Variants in SIK3 observed in about 807,000 individuals in gnomAD.
SIK3 encodes the protein serine/threonine-protein kinase SIK3.
In SIK3, 28 loss-of-function variants were observed where a neutral mutation model predicts 144.2. That is an observed-to-expected ratio of 0.19 (90% CI 0.14 to 0.27). The LOEUF is 0.27. Ranked by LOEUF, SIK3 falls within the 10% of genes least tolerant of loss-of-function variation. SIK3 has a pLI of 1.00. For synonymous variants in SIK3, 686 were observed against 676.3 expected (o/e 1.01, Z -0.22); for missense variants, 1,319 against 1,776.0 (o/e 0.74, Z 4.62).
chr11:117,049,269 G>T (rs1953114509), intron 1 of SIK3, among the ~76,000 whole-genome samples: 1 of 152,140 alleles, frequency 6.6e-6, no homozygotes, highest in Admixed American at 6.6e-5. Flanking sequence ...TCTAGGGAGG[G>T]ATATAAAGTT....
intron 3 of SIK3, among the ~76,000 whole-genome samples, chr11:116,949,392 G>GT (rs1455518034): frequency 1.3e-5 from 2 of 152,234 alleles, no homozygotes; most frequent in African/African-American, 4.8e-5. Flanking sequence ...AACTCCACTA[G>GT]TTGCTGGCTG....
At chr11:116,883,187 T>A (rs977138803) in intron 6 of SIK3, among the ~76,000 whole-genome samples, 6 of 152,050 alleles carry the variant, frequency 3.9e-5, no homozygotes, top group Admixed American at 3.9e-4. Context: ...TTGATAAGAG[T>A]CTATCCCTGT....
Position 116,844,625 on chromosome 11 carries a change from AT to A in SIK3, c.*1017del, listed in dbSNP as rs1565345319. 1 of 35,420 alleles carries A rather than the reference AT, an allele frequency of 2.8e-5. No individual in the cohort carries two copies. Among genetic ancestry groups the A allele is most frequent in the East Asian group, 3.2e-4 (1 of 3,084 alleles). The allele number at this position is 35,420 out of a possible 1,614,324, so 2.2% of individuals were successfully genotyped here. A position where few individuals can be genotyped will look rare whatever the true frequency, so the allele number is the denominator to read the frequency against. On this transcript the variant is annotated 3_prime_UTR_variant, in exon 25 of 25. Coordinates refer to ENST00000445177, the MANE Select transcript of SIK3 (RefSeq NM_001366686.3). ...TATATATATTATATATATAATATAT[AT>A]ATAATATATTATATTATATATTATA... is the stretch of plus-strand genomic sequence containing the variant.
chr11:117,017,140 C>T (rs943511239), intron 1 of SIK3, among the ~76,000 whole-genome samples: 4 of 152,048 alleles, frequency 2.6e-5, no homozygotes, highest in Non-Finnish European at 5.9e-5. Context: ...GCCTATAGTC[C>T]CAGCTACTTG....
At chr11:116,959,109 T>A (rs1413393739) in intron 1 of SIK3, among the ~76,000 whole-genome samples, 1 of 152,236 alleles carries the variant, frequency 6.6e-6, no homozygotes, top group African/African-American at 2.4e-5. Flanking sequence ...GAGGGCAGAC[T>A]GATTGAGTCC....
intron 1 of SIK3, among the ~76,000 whole-genome samples, chr11:117,021,409 T>C (rs1305392361): frequency 6.6e-6 from 1 of 152,174 alleles, no homozygotes; most frequent in Non-Finnish European, 1.5e-5. Flanking sequence ...AACCCCACTC[T>C]TTCCACAGAA....
At chr11:116,896,876 A>C (rs1945431285) in intron 5 of SIK3, among the ~76,000 whole-genome samples, 1 of 152,006 alleles carries the variant, frequency 6.6e-6, no homozygotes, top group Non-Finnish European at 1.5e-5. Flanking sequence ...AAATACAAAA[A>C]ATTAGCCAAG....
chr11:116,930,566 C>A (rs1252167064), intron 3 of SIK3, among the ~76,000 whole-genome samples: 1 of 152,172 alleles, frequency 6.6e-6, no homozygotes, highest in Non-Finnish European at 1.5e-5. Flanking sequence ...CCAAATGGCT[C>A]CTGAATCCAC....
chr11:117,065,990 CT>C (rs1953993007), intron 1 of SIK3, among the ~76,000 whole-genome samples: 1 of 151,946 alleles, frequency 6.6e-6, no homozygotes, highest in Non-Finnish European at 1.5e-5. Flanking sequence ...TTTATTTTTA[CT>C]CCTATCAATC....
At chr11:117,079,555 A>G (rs1297033811) in intron 1 of SIK3, among the ~76,000 whole-genome samples, 1 of 152,186 alleles carries the variant, frequency 6.6e-6, no homozygotes. Context: ...TAATAATCAC[A>G]AAAATAAATG....
chr11:116,999,089 T>C (rs1052882881), intron 1 of SIK3, among the ~76,000 whole-genome samples: 1 of 152,322 alleles, frequency 6.6e-6, no homozygotes, highest in South Asian at 2.1e-4. Context: ...TAGTTTTTAC[T>C]TCAGAAGATG....
chr11:116,981,216 C>T (rs1244335927), intron 1 of SIK3, among the ~76,000 whole-genome samples: 1 of 152,140 alleles, frequency 6.6e-6, no homozygotes. Flanking sequence ...ATGGCATCAC[C>T]CAGGGCAGCT....
At chr11:117,010,014 C>T (rs1320345721) in intron 1 of SIK3, among the ~76,000 whole-genome samples, 1 of 152,122 alleles carries the variant, frequency 6.6e-6, no homozygotes, top group Non-Finnish European at 1.5e-5. Context: ...ACATCTATTA[C>T]CAGTTCATCC....
intron 1 of SIK3, among the ~76,000 whole-genome samples, chr11:117,061,684 T>C (rs1393695036): frequency 6.6e-6 from 1 of 152,132 alleles, no homozygotes; most frequent in Non-Finnish European, 1.5e-5. Flanking sequence ...CCCTACTGAG[T>C]CTTCATTTTA....
rs1941806908 is a variant in SIK3 at position 116,844,652 on chromosome 11, T to C, written c.*991A>G. On this transcript the variant is annotated 3_prime_UTR_variant, in exon 25 of 25. Coordinates refer to ENST00000445177, the MANE Select transcript of SIK3 (RefSeq NM_001366686.3). ...ATAATATATTATATTATATATTATA[T>C]ATATAATATATATATACACATATAT... 1 of 100,634 alleles carries C rather than the reference T, an allele frequency of 9.9e-6. No individual in the cohort carries two copies. Among genetic ancestry groups the C allele is most frequent in the Non-Finnish European group, 1.7e-5 (1 of 57,396 alleles). 6.2% of individuals were successfully genotyped at this position (100,634 alleles called of 1,614,324 possible). A position where few individuals can be genotyped will look rare whatever the true frequency, so the allele number is the denominator to read the frequency against.
At position 116,855,102 on chromosome 11, in the gene SIK3, A is replaced by AAAAAAAAAAAAAC. The variant is rs1168132311; in HGVS notation, c.3655+2707_3655+2708insGTTTTTTTTTTTT. Among the ~76,000 whole-genome samples, 231 of 144,422 alleles carry AAAAAAAAAAAAAC rather than the reference A, an allele frequency of 1.6e-3. 7 individuals carry two copies. Among genetic ancestry groups the AAAAAAAAAAAAAC allele is most frequent in the East Asian group, 0.012 (53 of 4,362 alleles). 94.7% of individuals were successfully genotyped at this position (144,422 alleles called of 152,430 possible). A position where few individuals can be genotyped will look rare whatever the true frequency, so the allele number is the denominator to read the frequency against. On this transcript the variant is annotated intron_variant, in intron 21 of 24. Coordinates refer to ENST00000445177, the MANE Select transcript of SIK3 (RefSeq NM_001366686.3). ...CTCTGCCAAAAAAAAAAAAAAAAAA[A>AAAAAAAAAAAAAC]AAAAAAACTTGAGTTTTTTTCACAG...
intron 1 of SIK3, among the ~76,000 whole-genome samples, chr11:116,959,630 G>GTCATATATA (rs1949270217): frequency 6.6e-6 from 1 of 152,038 alleles, no homozygotes; most frequent in Non-Finnish European, 1.5e-5. Flanking sequence ...TCATATAGTG[G>GTCATATATA]GGCCTCCCTG....
Position 116,846,987 on chromosome 11 carries a change from A to T in SIK3, c.3953-434T>A, listed in dbSNP as rs921475284. Reference sequence around the variant, plus strand: ...CCAGCCAGCCCTCAGGGCACAATGTAGGATAAAGGCTCTATCGTTTTTGCC... The same window carrying T: ...CCAGCCAGCCCTCAGGGCACAATGTTGGATAAAGGCTCTATCGTTTTTGCC... On this transcript the variant is annotated intron_variant, in intron 23 of 24. Coordinates refer to ENST00000445177, the MANE Select transcript of SIK3 (RefSeq NM_001366686.3). This position sits in a 1 kb window ranked among gnomAD's most constrained non-coding sequence, Gnocchi z 4.1. 6.6e-6 allele frequency among the ~76,000 whole-genome samples: 1 copy of T among 152,180 alleles called. No homozygotes were observed. Among genetic ancestry groups the T allele is most frequent in the Non-Finnish European group, 1.5e-5 (1 of 68,040 alleles).
At chr11:116,988,352 C>T (rs1015770021) in intron 1 of SIK3, among the ~76,000 whole-genome samples, 10 of 151,592 alleles carry the variant, frequency 6.6e-5, no homozygotes, top group African/African-American at 2.4e-4. Context: ...CGCCACTGCA[C>T]TCCAGCCCGG....
Sources: gnomAD v4.1 joint callset for allele counts (sites outside exome capture counted in the v4.1 genomes callset) on GRCh38, gnomAD v4.1.1 for gene constraint, Gnocchi (gnomAD v3.1) non-coding constraint, MANE v1.5 for transcripts, NCBI Gene and HGNC (gene_info 2026-07-23, HGNC 2026-07-21) for gene names.